Variants in CBFA2T3 observed in about 807,000 individuals in gnomAD.
CBFA2T3 encodes the protein transcriptional corepressor CBFA2T3.
In CBFA2T3, 31 loss-of-function variants were observed where a neutral mutation model predicts 58.6. The ratio of observed to expected loss-of-function variants is 0.53; its 90% CI spans 0.40 to 0.71. CBFA2T3 has a LOEUF of 0.71. Among genes scored for constraint, CBFA2T3 ranks in the 30% least tolerant of loss-of-function variants. The pLI, the probability that CBFA2T3 is intolerant of heterozygous loss-of-function variation, is 0.00. For missense variants in CBFA2T3, 1,076 were observed against 963.1 expected, an observed-to-expected ratio of 1.12 and a Z score of -1.55; for synonymous variants, 531 against 421.9, an observed-to-expected ratio of 1.26 and a Z score of -3.17.
intron 1 of CBFA2T3, among the ~76,000 whole-genome samples, chr16:88,905,568 T>C (rs1408838232): frequency 6.6e-6 from 1 of 150,992 alleles, no homozygotes; most frequent in African/African-American, 2.4e-5. Context: ...CCAGAGGAAA[T>C]GCCTCTTTGG....
intron 1 of CBFA2T3, among the ~76,000 whole-genome samples, chr16:88,946,492 T>G (rs889472873): frequency 6.6e-6 from 1 of 151,902 alleles, no homozygotes; most frequent in African/African-American, 2.4e-5. Flanking sequence ...GAGGTTTGTT[T>G]GTTTTTGGAG....
At chr16:88,934,961 C>T (rs28758376) in intron 1 of CBFA2T3, among the ~76,000 whole-genome samples, 5,482 of 152,260 alleles carry the variant, frequency 0.036, 337 homozygotes, top group African/African-American at 0.13. Flanking sequence ...AGGATGGTCT[C>T]GATCTCCTGA....
chr16:88,881,331 C>T lies in CBFA2T3; in HGVS notation c.1362G>A (p.Arg454=). Residue 454 remains arginine, a synonymous_variant, in exon 9 of 12, where the codon CGG becomes CGA. Coordinates refer to ENST00000268679, the MANE Select transcript of CBFA2T3 (RefSeq NM_005187.6). The part of the protein sequence containing the change: ...TKKGPAPAAA[R]PRSSSAGPEG... ...CGGGACCGGCGGAGCTGCTGCGGGG[C>T]CGGGCCGCGGCGGGAGCGGGGCCCT... is the stretch of plus-strand genomic sequence containing the variant. The T allele has an allele frequency of 2.5e-6, 4 of 1,585,730 alleles. No individual in the cohort carries two copies. The highest frequency in any genetic ancestry group is 3.4e-6 in the Non-Finnish European group (4 of 1,167,076).
At chr16:88,921,501 C>T (rs1055461699) in intron 1 of CBFA2T3, among the ~76,000 whole-genome samples, 1 of 151,926 alleles carries the variant, frequency 6.6e-6, no homozygotes, top group Admixed American at 6.6e-5. Context: ...GCCCCTCTTC[C>T]CGGGATCTCC....
At chr16:88,966,754 G>C (rs1972514290) in intron 1 of CBFA2T3, among the ~76,000 whole-genome samples, 1 of 152,158 alleles carries the variant, frequency 6.6e-6, no homozygotes, top group Non-Finnish European at 1.5e-5. Flanking sequence ...TGGGGTGGGG[G>C]GCGTCTCCAG....
At chr16:88,894,512 C>T (rs1390561597) in intron 3 of CBFA2T3, among the ~76,000 whole-genome samples, 1 of 126,594 alleles carries the variant, frequency 7.9e-6, no homozygotes, top group African/African-American at 3.5e-5. Context: ...CACACATGCA[C>T]ACACACATGC....
At chr16:88,905,654 C>T (rs1456012024) in intron 1 of CBFA2T3, among the ~76,000 whole-genome samples, 4 of 128,008 alleles carry the variant, frequency 3.1e-5, no homozygotes, top group East Asian at 2.7e-4. Context: ...ATGATCAGGG[C>T]GGGCCTGAGG....
At chr16:88,907,241 G>T (rs111936241) in intron 1 of CBFA2T3, among the ~76,000 whole-genome samples, 1 of 152,230 alleles carries the variant, frequency 6.6e-6, no homozygotes, top group Non-Finnish European at 1.5e-5. Flanking sequence ...GAGGGCTCCC[G>T]AGGCCTGGCC....
chr16:88,952,872 C>G (rs1401103916), intron 1 of CBFA2T3, among the ~76,000 whole-genome samples: 1 of 151,570 alleles, frequency 6.6e-6, no homozygotes, highest in Admixed American at 6.6e-5. Context: ...CCCACCCCCA[C>G]ACCCTGGGGA....
chr16:88,890,858 A>T (rs1969602214), intron 5 of CBFA2T3, among the ~76,000 whole-genome samples: 1 of 152,178 alleles, frequency 6.6e-6, no homozygotes, highest in African/African-American at 2.4e-5. Flanking sequence ...CTGGGATCAT[A>T]GGTGCATACA....
intron 3 of CBFA2T3, among the ~76,000 whole-genome samples, chr16:88,897,015 G>A (rs1969911550): frequency 1.3e-5 from 2 of 152,244 alleles, no homozygotes; most frequent in Admixed American, 1.3e-4. Flanking sequence ...CCCAGCTGAG[G>A]ATTGGGGGCA....
chr16:88,889,562 T>C (rs115123386), intron 5 of CBFA2T3, among the ~76,000 whole-genome samples: 5,847 of 151,926 alleles, frequency 0.038, 383 homozygotes, highest in African/African-American at 0.13. Context: ...TGGCGCCCTC[T>C]CTCCACTACC....
At position 88,885,011 on chromosome 16, in the gene CBFA2T3, A is replaced by G. The variant is rs767591258; in HGVS notation, c.1117+35T>C. On this transcript the variant is annotated intron_variant, in intron 7 of 11. Transcript: ENST00000268679. This position sits in a 1 kb window ranked among gnomAD's most constrained non-coding sequence, Gnocchi z 5.3. ...GTGGGCGCATGTGTGCTCCTGTAAC[A>G]CGCGTCCACGCTCCCGCCCCACCGG... 6.7e-7 allele frequency: 1 copy of G among 1,502,246 alleles called. No homozygotes were observed. The allele number at this position is 1,502,246 out of a possible 1,614,324, so 93.1% of individuals were successfully genotyped here.
Position 88,958,741 on chromosome 16 carries a change from A to G in CBFA2T3, c.151+17916T>C, listed in dbSNP as rs1294480424. On this transcript the variant is annotated intron_variant, in intron 1 of 11. Transcript: ENST00000268679. This position sits in a 1 kb window ranked among gnomAD's most constrained non-coding sequence, Gnocchi z 4.0. ...TGGAAGGAGATGAACTTGCTCTCCCAGGGCTGGGGCCTCAGGGCCTCAGCG... is the reference window on the plus strand; with the variant it reads ...TGGAAGGAGATGAACTTGCTCTCCCGGGGCTGGGGCCTCAGGGCCTCAGCG... 6.6e-6 allele frequency among the ~76,000 whole-genome samples: 1 copy of G among 151,960 alleles called. No homozygotes were observed. The highest frequency in any genetic ancestry group is 6.5e-5 in the Admixed American group (1 of 15,278).
rs1406879257 is a variant in CBFA2T3, at chr16:88,913,079, G to T, written c.152-11423C>A. ...GCAGCTCTTCCAGTGCAGAGGCGGG[G>T]TCCACTTCCCTGCCCCCTGGATCTG... On this transcript the variant is annotated intron_variant, in intron 1 of 11. Transcript: ENST00000268679. 3.3e-5 allele frequency among the ~76,000 whole-genome samples: 5 copies of T among 152,380 alleles called. No homozygotes were observed. In the South Asian group the frequency reaches 1.0e-3, roughly 32 times the overall value.
At chr16:88,882,395 G>A (rs555445743) in intron 8 of CBFA2T3, among the ~76,000 whole-genome samples, 15 of 151,304 alleles carry the variant, frequency 9.9e-5, no homozygotes, top group African/African-American at 3.6e-4. Context: ...GGGTATGGCT[G>A]TGTGTGTGGG....
chr16:88,957,129 G>A (rs1654070950), intron 1 of CBFA2T3, among the ~76,000 whole-genome samples: 1 of 152,212 alleles, frequency 6.6e-6, no homozygotes, highest in Admixed American at 6.5e-5. Flanking sequence ...ATGCCCACGG[G>A]CAGCTGCCCA....
At chr16:88,969,935 G>A (rs1459783515) in intron 1 of CBFA2T3, among the ~76,000 whole-genome samples, 3 of 152,244 alleles carry the variant, frequency 2.0e-5, no homozygotes, top group African/African-American at 7.2e-5. Context: ...AGCTGTGGCT[G>A]TTGGAGGCTT....
At chr16:88,894,371 T>G (rs1388537596) in intron 3 of CBFA2T3, among the ~76,000 whole-genome samples, 2 of 86,424 alleles carry the variant, frequency 2.3e-5, no homozygotes, top group Non-Finnish European at 4.3e-5. Context: ...CATATACACA[T>G]GCACACAATG....
Sources: gnomAD v4.1 joint callset for allele counts (sites outside exome capture counted in the v4.1 genomes callset) on GRCh38, gnomAD v4.1.1 for gene constraint, Gnocchi (gnomAD v3.1) non-coding constraint, MANE v1.5 for transcripts, NCBI Gene and HGNC (gene_info 2026-07-23, HGNC 2026-07-21) for gene names.